The following ULK1 variants were observed in gnomAD, a reference collection of about 807,000 sequenced individuals.
ULK1 encodes unc-51 like autophagy activating kinase 1, also known as serine/threonine-protein kinase ULK1.
Under a neutral mutation model 117.5 loss-of-function variants are expected in ULK1, and 48 were observed. The ratio of observed to expected loss-of-function variants is 0.41; its 90% CI spans 0.32 to 0.52. ULK1 has a LOEUF of 0.52. Ranked by LOEUF, ULK1 falls within the 20% of genes least tolerant of loss-of-function variation. The pLI is 0.29. For synonymous variants in ULK1, 790 were observed against 637.8 expected, an observed-to-expected ratio of 1.24 and a Z score of -3.60; for missense variants, 1,387 against 1,473.4, an observed-to-expected ratio of 0.94 and a Z score of 0.96.
chr12:131,919,464 G>GCC lies in ULK1; in HGVS notation c.2685-4_2685-3dup. The GCC allele has an allele frequency of 1.2e-6, 2 of 1,608,238 alleles. No individual in the cohort carries two copies. The highest frequency in any genetic ancestry group is 8.5e-7 in the Non-Finnish European group (1 of 1,177,934). On this transcript the variant is annotated splice_region_variant and splice_polypyrimidine_tract_variant and intron_variant, in intron 24 of 27. Coordinates refer to ENST00000321867, the MANE Select transcript of ULK1 (RefSeq NM_003565.4). ...ACCGGCCTCCTCTGATCTGCCTGCC[G>GCC]CCCCCAGCTTCGCGGAACAGCTGGT...
Position 131,895,086 on chromosome 12 carries a change from G to T in ULK1, c.85G>T (p.Val29Leu). 1 of 1,574,444 alleles carries T rather than the reference G, an allele frequency of 6.4e-7. No individual in the cohort carries two copies. The highest frequency in any genetic ancestry group is 1.2e-5 in the South Asian group (1 of 86,898). Reference protein sequence around the residue: ...KDLIGHGAFAVVFKGRHREKH... With the variant: ...KDLIGHGAFALVFKGRHREKH... ...CCTGATCGGCCACGGCGCCTTCGCG[G>T]TGGTCTTCAAGGGCCGCCACCGCGA... The change falls in exon 1 of 28, where the codon GTG becomes TTG. Residue 29 changes from valine to leucine, a missense_variant. Around this residue, in one of 4 missense-constraint regions of ULK1, gnomAD observed 224 missense variants for 325.2 expected, o/e 0.69. Transcript: ENST00000321867.
At chr12:131,899,440 G>A (rs1300614289) in intron 3 of ULK1, among the ~76,000 whole-genome samples, 2 of 151,880 alleles carry the variant, frequency 1.3e-5, no homozygotes, top group Non-Finnish European at 1.5e-5. Flanking sequence ...CGCCCACATC[G>A]GCCTCCGAAA....
chr12:131,897,170 CGGGCTCT>C (rs1888907126), intron 3 of ULK1: 1 of 152,274 alleles, frequency 6.6e-6, no homozygotes, highest in Non-Finnish European at 1.5e-5. Context: ...CTCCGGGCAC[CGGGCTCT>C]GCTGGAGCTG....
At chr12:131,916,638 CTT>C (rs1566125656) in intron 20 of ULK1, 47 bp downstream of exon 20, 1 of 1,485,098 alleles carries the variant, frequency 6.7e-7, no homozygotes, top group Non-Finnish European at 8.9e-7. Flanking sequence ...GGGGCAGCCT[CTT>C]TCCCCTGCAT....
chr12:131,909,004 G>T, intron 7 of ULK1, 33 bp downstream of exon 7: 1 of 1,612,668 alleles, frequency 6.2e-7, no homozygotes. Context: ...GTGCCGGGTG[G>T]GCGCCTCTCT....
rs1178972357 is a variant in ULK1 at position 131,916,344 on chromosome 12, G to A, written c.1879-54G>A. ...ACTCGGCCCCTTCCCCAGGCACCGGGCCCCAGGGCTGCAGACCTGCGGGGC... is the reference window on the plus strand; with the variant it reads ...ACTCGGCCCCTTCCCCAGGCACCGGACCCCAGGGCTGCAGACCTGCGGGGC... On this transcript the variant is annotated intron_variant, in intron 19 of 27. Coordinates refer to ENST00000321867, the MANE Select transcript of ULK1 (RefSeq NM_003565.4). The A allele has an allele frequency of 4.6e-6, 7 of 1,525,144 alleles. No homozygotes were observed. In the East Asian group the frequency reaches 1.6e-4, roughly 35 times the overall value. 94.5% of individuals were successfully genotyped at this position (1,525,144 alleles called of 1,614,324 possible).
Position 131,922,033 on chromosome 12 carries a change from G to T in ULK1, c.*672G>T. 1 of 454,442 alleles carries T rather than the reference G, an allele frequency of 2.2e-6. No individual in the cohort carries two copies. The highest frequency in any genetic ancestry group is 4.4e-6 in the Non-Finnish European group (1 of 225,502). 28.2% of individuals were successfully genotyped at this position (454,442 alleles called of 1,614,324 possible). A position where few individuals can be genotyped will look rare whatever the true frequency, so the allele number is the denominator to read the frequency against. ...GGCTCCGGGGGGAGTGGGGCCCTGC[G>T]CTAGAGGCAGAGGCAGTTCTTTGTT... On this transcript the variant is annotated 3_prime_UTR_variant, in exon 28 of 28. Transcript: ENST00000321867.
intron 3 of ULK1, chr12:131,897,751 AAG>A (rs1468634749): frequency 4.0e-5 from 6 of 149,910 alleles, no homozygotes; most frequent in East Asian, 1.9e-4. Flanking sequence ...AAGAAAAAAA[AAG>A]AAAAAAAATT....
intron 25 of ULK1, 138 bp from the exon 26 acceptor site, chr12:131,919,841 A>T: frequency 7.5e-7 from 1 of 1,326,968 alleles, no homozygotes; most frequent in Non-Finnish European, 1.0e-6. Flanking sequence ...GCCTGGCCAC[A>T]CCCTCAAGGC....
In ULK1 at chr12:131,921,222, G is replaced by C; in HGVS notation, c.3084G>C (p.Glu1028Asp). The change falls in exon 27 of 28, where the codon GAG becomes GAC. Residue 1028 changes from glutamate (E) to aspartate (D), a missense_variant. Physicochemically the swap from Glu to Asp is conservative, Grantham distance 45 (BLOSUM62 2). Coordinates refer to ENST00000321867, the MANE Select transcript of ULK1 (RefSeq NM_003565.4). ...QHMLSDQADI[E>D]NVTKCKLCIE... Reference sequence around the variant, plus strand: ...TGCTCTCGGACCAGGCCGACATCGAGAACGTCACCAAGTGTGAGTGCCCGG... The same window carrying C: ...TGCTCTCGGACCAGGCCGACATCGACAACGTCACCAAGTGTGAGTGCCCGG... 6.2e-7 allele frequency: 1 copy of C among 1,607,634 alleles called. No homozygotes were observed. Among genetic ancestry groups the C allele is most frequent in the Non-Finnish European group, 8.5e-7 (1 of 1,179,812 alleles).
Position 131,915,083 on chromosome 12 carries a change from G to A in ULK1, c.1374G>A (p.Arg458=). ...LQSPTQFQTP[R]SSAIRRSGST... is the part of the protein sequence containing the mutation. ...CTCCTAATATCTGCCTTGTCTTCAG[G>A]TCCTCTGCCATCCGCAGGTCAGGCA... The change falls in exon 17 of 28, where the codon CGG becomes CGA. Residue 458 remains arginine (R), a splice_region_variant and synonymous_variant. Transcript: ENST00000321867. 2.6e-6 allele frequency: 4 copies of A among 1,543,426 alleles called. No individual in the cohort carries two copies. The highest frequency in any genetic ancestry group is 3.5e-4 in the Middle Eastern group (2 of 5,710).
intron 3 of ULK1, among the ~76,000 whole-genome samples, chr12:131,900,497 T>C (rs1889043578): frequency 6.6e-6 from 1 of 152,202 alleles, no homozygotes; most frequent in Non-Finnish European, 1.5e-5. Flanking sequence ...ACTGAGCATG[T>C]GGTGTCCCTG....
intron 3 of ULK1, among the ~76,000 whole-genome samples, chr12:131,905,667 C>T (rs1479592788): frequency 6.6e-6 from 1 of 152,130 alleles, no homozygotes; most frequent in Non-Finnish European, 1.5e-5. Context: ...CCCAGCCTGC[C>T]TGGTTTGATG....
Position 131,909,314 on chromosome 12 carries a change from C to T in ULK1, c.666+77C>T, listed in dbSNP as rs75503516. The T allele has an allele frequency of 1.1e-3, 1,569 of 1,445,824 alleles. 29 individuals carry two copies. In the East Asian group the frequency reaches 0.036, roughly 33 times the overall value. The allele number at this position is 1,445,824 out of a possible 1,614,324, so 89.6% of individuals were successfully genotyped here. A position where few individuals can be genotyped will look rare whatever the true frequency, so the allele number is the denominator to read the frequency against. ...GCCAGCTGCGGTCAGACGCCCCCTG[C>T]GAGCCCTGCCCGCGCCCCACGAGCT... On this transcript the variant is annotated intron_variant, in intron 8 of 27. Transcript: ENST00000321867.
In ULK1 at chr12:131,894,662, G is replaced by C. The variant is rs1016118450; in HGVS notation, c.-340G>C. On this transcript the variant is annotated 5_prime_UTR_variant, in exon 1 of 28. Transcript: ENST00000321867. ...GCGTCTCAGGCTCTGAGGCCCGGGC[G>C]CCGCGGCTCTTTTGTTTCTCCGTTG... 1 of 151,338 alleles carries C rather than the reference G, an allele frequency of 6.6e-6. No homozygotes were observed. Among genetic ancestry groups the C allele is most frequent in the Admixed American group, 6.6e-5 (1 of 15,214 alleles). The allele number at this position is 151,338 out of a possible 1,614,324, so 9.4% of individuals were successfully genotyped here. A position where few individuals can be genotyped will look rare whatever the true frequency, so the allele number is the denominator to read the frequency against.
chr12:131,912,233 C>T (rs759101339), intron 13 of ULK1, 144 bp downstream of exon 13: 99 of 1,319,438 alleles, frequency 7.5e-5, no homozygotes, highest in Non-Finnish European at 9.5e-5. Flanking sequence ...ATCGGCCCAG[C>T]TTGGTTGGGG....
intron 22 of ULK1, among the ~76,000 whole-genome samples, 192 bp downstream of exon 22, chr12:131,917,746 T>C (rs1889928279): frequency 6.6e-6 from 1 of 152,146 alleles, no homozygotes; most frequent in Non-Finnish European, 1.5e-5. Flanking sequence ...GGTTCTGGTA[T>C]CCACCCCTCA....
chr12:131,902,970 G>C lies in ULK1; in HGVS notation c.247-3922G>C, dbSNP rs533578075. ...TAGCTGCGAGGCAGACGTGGAGCCC[G>C]ATGCCCTGTGTGGGTTCTGCAAGGC... is the stretch of plus-strand genomic sequence containing the variant. On this transcript the variant is annotated intron_variant, in intron 3 of 27. Transcript: ENST00000321867. This position sits in a 1 kb window ranked among gnomAD's most constrained non-coding sequence, Gnocchi z 6.3. Among the ~76,000 whole-genome samples the C allele has an allele frequency of 2.0e-5, 3 of 152,052 alleles. No homozygotes were observed. The highest frequency in any genetic ancestry group is 2.0e-4 in the Admixed American group (3 of 15,272).
In ULK1 at chr12:131,894,969, C is replaced by A; in HGVS notation, c.-33C>A. 8.9e-7 allele frequency: 1 copy of A among 1,127,388 alleles called. No homozygotes were observed. The highest frequency in any genetic ancestry group is 1.1e-6 in the Non-Finnish European group (1 of 896,250). 69.8% of individuals were successfully genotyped at this position (1,127,388 alleles called of 1,614,324 possible). Reference sequence around the variant, plus strand: ...GAGTCCCCCGCGCCTTGGCCCGCCACCCCCCGCCCCGCGCCCCCGGCCCGC... The same window carrying A: ...GAGTCCCCCGCGCCTTGGCCCGCCAACCCCCGCCCCGCGCCCCCGGCCCGC... On this transcript the variant is annotated 5_prime_UTR_variant, in exon 1 of 28. Transcript: ENST00000321867.
Sources: allele counts gnomAD v4.1 joint callset (sites outside exome capture counted in the v4.1 genomes callset), GRCh38; gene constraint gnomAD v4.1.1; regional missense constraint gnomAD v4.1.1; non-coding constraint Gnocchi (gnomAD v3.1); transcripts MANE v1.5; gene names NCBI Gene and HGNC (gene_info 2026-07-23, HGNC 2026-07-21).